The following SLC67A1 variants were observed in gnomAD, a reference collection of about 807,000 sequenced individuals.
SLC67A1 encodes the protein solute carrier family 67 member A1.
At chr11:2,913,427 G>A in the SLC67A1 span, among the ~76,000 whole-genome samples, 1 of 152,186 alleles carries the variant, frequency 6.6e-6, no homozygotes, top group African/African-American at 2.4e-5. Context: ...GGAGCTTGTG[G>A]TTTGGTTGGA....
At chr11:2,906,349 C>T in the SLC67A1 span, among the ~76,000 whole-genome samples, 1,796 of 152,286 alleles carry the variant, frequency 0.012, 38 homozygotes, top group African/African-American at 0.04. Flanking sequence ...TACCATTTGA[C>T]CCAGCGATCC....
the SLC67A1 span, among the ~76,000 whole-genome samples, chr11:2,923,158 AGT>A: frequency 7.2e-5 from 11 of 152,320 alleles, no homozygotes; most frequent in South Asian, 2.3e-3. This position sits in a 1 kb window ranked among gnomAD's most constrained non-coding sequence, Gnocchi z 6.5. Flanking sequence ...CCCCAGGCAC[AGT>A]GTGGGTACAC....
chr11:2,919,369 G>A, the SLC67A1 span: 10 of 1,613,916 alleles, frequency 6.2e-6, no homozygotes, highest in Non-Finnish European at 8.5e-6. Flanking sequence ...GGCCGCCCAA[G>A]CTGGCTACCT....
chr11:2,922,702 T>TCTGTGTGGAGTGTGTGGGGTGGGTCGGGG, the SLC67A1 span: 1 of 16,548 alleles, frequency 6.0e-5, no homozygotes, highest in African/African-American at 2.0e-4. Flanking sequence ...GTGGGTGGGG[T>TCTGTGTGGAGTGTGTGGGGTGGGTCGGGG]GGGGGCTTGG....
the SLC67A1 span, chr11:2,908,100 C>T: frequency 8.1e-6 from 5 of 620,590 alleles, no homozygotes; most frequent in South Asian, 5.7e-5. Context: ...AAGGGCCCCT[C>T]GATGGTCATA....
the SLC67A1 span, chr11:2,899,700 ATTCACACTGAGCCTG>A: frequency 6.6e-7 from 1 of 1,505,214 alleles, no homozygotes; most frequent in African/African-American, 1.4e-5. Context: ...AAGTTCCCCC[ATTCACACTGAGCCTG>A]TTCATGACAA....
chr11:2,923,293 C>T, the SLC67A1 span, among the ~76,000 whole-genome samples: 1 of 151,910 alleles, frequency 6.6e-6, no homozygotes, highest in Non-Finnish European at 1.5e-5. This position sits in a 1 kb window ranked among gnomAD's most constrained non-coding sequence, Gnocchi z 6.5. Flanking sequence ...GGGCACACAT[C>T]TGACACTCCA....
chr11:2,909,776 CGCCT>C, the SLC67A1 span: 1 of 1,382,554 alleles, frequency 7.2e-7, no homozygotes, highest in Non-Finnish European at 9.4e-7. Context: ...GGCCCCGCCC[CGCCT>C]CCTCTTGGCC....
chr11:2,922,885 C>G, the SLC67A1 span, among the ~76,000 whole-genome samples: 1 of 152,172 alleles, frequency 6.6e-6, no homozygotes, highest in African/African-American at 2.4e-5. Context: ...CTGGAGGCCC[C>G]GGGGACTTCT....
the SLC67A1 span, chr11:2,919,230 C>A: frequency 1.9e-6 from 2 of 1,033,062 alleles, no homozygotes; most frequent in Non-Finnish European, 3.0e-6. Context: ...ATTGGCCAGG[C>A]TGCTGAGGCG....
the SLC67A1 span, among the ~76,000 whole-genome samples, chr11:2,911,613 C>T: frequency 1.3e-5 from 2 of 152,116 alleles, no homozygotes; most frequent in African/African-American, 4.8e-5. Flanking sequence ...CGGCTCAGGG[C>T]CCAGCCGCCT....
the SLC67A1 span, among the ~76,000 whole-genome samples, chr11:2,911,985 CGT>C: frequency 1.3e-5 from 2 of 152,222 alleles, no homozygotes; most frequent in Non-Finnish European, 2.9e-5. Context: ...ACAATCTTGA[CGT>C]TTCATAATCA....
chr11:2,913,972 G>A, the SLC67A1 span, among the ~76,000 whole-genome samples: 1 of 152,068 alleles, frequency 6.6e-6, no homozygotes. Context: ...GCAGGATGCA[G>A]GTGGGCTGCG....
chr11:2,907,311 T>C, the SLC67A1 span, among the ~76,000 whole-genome samples: 1 of 152,134 alleles, frequency 6.6e-6, no homozygotes, highest in Admixed American at 6.5e-5. The surrounding 1 kb of genome is among the most constrained non-coding windows in gnomAD (Gnocchi z 6.7). Context: ...GTCTCACAGT[T>C]TGGGAGGCCA....
chr11:2,916,593 C>T, the SLC67A1 span: 1 of 1,577,252 alleles, frequency 6.3e-7, no homozygotes, highest in Non-Finnish European at 8.7e-7. Context: ...GGGACCCGCA[C>T]CCTGTGCAGC....
chr11:2,904,669 G>A, the SLC67A1 span, among the ~76,000 whole-genome samples: 1 of 152,242 alleles, frequency 6.6e-6, no homozygotes, highest in Non-Finnish European at 1.5e-5. Context: ...TGACCCTGAT[G>A]TCAGAACCTG....
the SLC67A1 span, chr11:2,916,781 A>T: frequency 2.6e-6 from 4 of 1,561,232 alleles, no homozygotes; most frequent in Non-Finnish European, 3.5e-6. Context: ...TGCTGGGGCA[A>T]TGGAAGGCAT....
the SLC67A1 span, among the ~76,000 whole-genome samples, chr11:2,924,237 CG>C: frequency 6.6e-6 from 1 of 152,190 alleles, no homozygotes; most frequent in Non-Finnish European, 1.5e-5. This position sits in a 1 kb window ranked among gnomAD's most constrained non-coding sequence, Gnocchi z 8.6. Flanking sequence ...CTGCGCAGGT[CG>C]GGGCTGTCTG....
chr11:2,922,453 C>A, the SLC67A1 span: 1 of 1,611,826 alleles, frequency 6.2e-7, no homozygotes, highest in Middle Eastern at 1.7e-4. Context: ...TGTCCAGCGT[C>A]TTCCACTTCT....
Sources: allele counts gnomAD v4.1 joint callset (sites outside exome capture counted in the v4.1 genomes callset), GRCh38; gene constraint gnomAD v4.1.1; non-coding constraint Gnocchi (gnomAD v3.1); transcripts MANE v1.5; gene names NCBI Gene and HGNC (gene_info 2026-07-23, HGNC 2026-07-21).